The following PPTC7 variants were observed in gnomAD, a reference collection of about 807,000 sequenced individuals.
PPTC7 encodes protein phosphatase PTC7 homolog.
Under a neutral mutation model 30.8 loss-of-function variants are expected in PPTC7, and 6 were observed. That is an observed-to-expected ratio of 0.19 (90% CI 0.11 to 0.38). The LOEUF (loss-of-function observed/expected upper bound fraction) is 0.38. Among genes scored for constraint, PPTC7 ranks in the 10% least tolerant of loss-of-function variants. The pLI, the probability that PPTC7 is intolerant of heterozygous loss-of-function variation, is 1.00. For synonymous variants in PPTC7, 163 were observed against 168.1 expected (o/e 0.97, Z 0.23); for missense variants, 218 against 404.8 (o/e 0.54, Z 3.96).
At chr12:110,544,573 T>C (rs1593145665) in intron 3 of PPTC7, among the ~76,000 whole-genome samples, 1 of 152,176 alleles carries the variant, frequency 6.6e-6, no homozygotes, top group African/African-American at 2.4e-5. Flanking sequence ...CAGTGGCTCA[T>C]GCCTGTAATC....
intron 3 of PPTC7, among the ~76,000 whole-genome samples, chr12:110,540,549 GC>G: frequency 6.6e-6 from 1 of 151,864 alleles, no homozygotes; most frequent in Non-Finnish European, 1.5e-5. Flanking sequence ...ACAGGGTTTT[GC>G]CACGTTGGCC....
At chr12:110,555,167 GA>G (rs2135775956) in intron 1 of PPTC7, among the ~76,000 whole-genome samples, 1 of 152,260 alleles carries the variant, frequency 6.6e-6, no homozygotes, top group African/African-American at 2.4e-5. Flanking sequence ...TTAACAAAAA[GA>G]AAGGGAACAC....
At chr12:110,545,383 G>A (rs751272224) in intron 3 of PPTC7, among the ~76,000 whole-genome samples, 5 of 152,190 alleles carry the variant, frequency 3.3e-5, no homozygotes, top group Non-Finnish European at 7.3e-5. Flanking sequence ...GTGAGTCACC[G>A]TGCCCAGTCA....
chr12:110,576,011 C>T (rs2064586112), intron 1 of PPTC7, among the ~76,000 whole-genome samples: 1 of 152,142 alleles, frequency 6.6e-6, no homozygotes, highest in Non-Finnish European at 1.5e-5. Context: ...TCCATCAACC[C>T]TGTAATCTTA....
chr12:110,564,830 T>G (rs2064468390), intron 1 of PPTC7, among the ~76,000 whole-genome samples: 1 of 107,644 alleles, frequency 9.3e-6, no homozygotes. Context: ...TATATATACA[T>G]ACACGTTATA....
intron 1 of PPTC7, among the ~76,000 whole-genome samples, chr12:110,571,134 A>T (rs899705368): frequency 1.3e-5 from 2 of 152,174 alleles, no homozygotes; most frequent in Non-Finnish European, 2.9e-5. Context: ...CACTCGGAAG[A>T]AGCTAGGGTG....
intron 1 of PPTC7, among the ~76,000 whole-genome samples, chr12:110,581,174 C>T (rs1204462628): frequency 6.6e-6 from 1 of 152,068 alleles, no homozygotes; most frequent in African/African-American, 2.4e-5. Context: ...CTTGGGCGGC[C>T]GAGGCGAACA....
chr12:110,569,349 A>C (rs2064513836), intron 1 of PPTC7, among the ~76,000 whole-genome samples: 3 of 152,096 alleles, frequency 2.0e-5, no homozygotes, highest in African/African-American at 4.8e-5. Context: ...TAAAAAGTAA[A>C]AATAAATAAA....
chr12:110,540,324 T>C (rs2064249537), intron 3 of PPTC7, among the ~76,000 whole-genome samples: 5 of 139,038 alleles, frequency 3.6e-5, no homozygotes, highest in Admixed American at 7.1e-5. Flanking sequence ...CCCCCGCCTT[T>C]TTTTTTTTTT....
chr12:110,545,518 G>A (rs1414735295), intron 3 of PPTC7, among the ~76,000 whole-genome samples: 4 of 152,220 alleles, frequency 2.6e-5, no homozygotes, highest in Non-Finnish European at 2.9e-5. Flanking sequence ...CCCTAACAAT[G>A]TATGCAAAAT....
At chr12:110,540,310 T>TCCCCCC (rs1235977655) in intron 3 of PPTC7, among the ~76,000 whole-genome samples, 5 of 104,392 alleles carry the variant, frequency 4.8e-5, no homozygotes, top group African/African-American at 1.5e-4. Context: ...CCGAATTCCA[T>TCCCCCC]CCCCCCCCGC....
rs2064184603 is a variant in PPTC7, at chr12:110,533,412, T to C, written c.*3625A>G. On this transcript the variant is annotated 3_prime_UTR_variant, in exon 6 of 6. Transcript: ENST00000354300. ...ACAGAAAAAAAGCAGCTCATTAGTA[T>C]ACACACAGATTCTAATTTGCTTCAT... 6.6e-6 allele frequency: 1 copy of C among 152,212 alleles called. No individual in the cohort carries two copies. Among genetic ancestry groups the C allele is most frequent in the Non-Finnish European group, 1.5e-5 (1 of 68,036 alleles). The allele number at this position is 152,212 out of a possible 1,614,324, so 9.4% of individuals were successfully genotyped here.
chr12:110,535,998 T>C lies in PPTC7; in HGVS notation c.*1039A>G, dbSNP rs2064215775. 6.6e-6 allele frequency: 1 copy of C among 152,584 alleles called. No homozygotes were observed. The highest frequency in any genetic ancestry group is 1.5e-5 in the Non-Finnish European group (1 of 68,034). 9.5% of individuals were successfully genotyped at this position (152,584 alleles called of 1,614,324 possible). A position where few individuals can be genotyped will look rare whatever the true frequency, so the allele number is the denominator to read the frequency against. On this transcript the variant is annotated 3_prime_UTR_variant, in exon 6 of 6. Coordinates refer to ENST00000354300, the MANE Select transcript of PPTC7 (RefSeq NM_139283.2). ...GCTGCTGCCGCTGCGCACACAGTGC[T>C]CTCTCCACATGGACTCACTGGATTT... is the stretch of plus-strand genomic sequence containing the variant.
At chr12:110,561,612 C>T (rs1431704634) in intron 1 of PPTC7, among the ~76,000 whole-genome samples, 3 of 152,182 alleles carry the variant, frequency 2.0e-5, no homozygotes, top group South Asian at 2.1e-4. Context: ...GCATGAGCAA[C>T]CGCATCCAGC....
rs1292627768 is a variant in PPTC7 at position 110,562,258 on chromosome 12, G to A, written c.224-10290C>T. 2.7e-5 allele frequency among the ~76,000 whole-genome samples: 3 copies of A among 110,638 alleles called. No homozygotes were observed. In the East Asian group the frequency reaches 9.4e-4, roughly 34 times the overall value. 72.6% of individuals were successfully genotyped at this position (110,638 alleles called of 152,430 possible). A position where few individuals can be genotyped will look rare whatever the true frequency, so the allele number is the denominator to read the frequency against. On this transcript the variant is annotated intron_variant, in intron 1 of 5. Coordinates refer to ENST00000354300, the MANE Select transcript of PPTC7 (RefSeq NM_139283.2). The stretch of plus-strand genomic sequence containing the variant: ...GCTGAGATCGCACCACTGCACTCCA[G>A]CCTGGGCAACAGATTGAGACTCCAT...
intron 1 of PPTC7, among the ~76,000 whole-genome samples, chr12:110,572,397 C>T (rs1451979650): frequency 4.6e-5 from 7 of 152,104 alleles, no homozygotes; most frequent in South Asian, 2.1e-4. Context: ...GCCAAGACCA[C>T]GCCATTGCAC....
At chr12:110,576,351 T>A (rs138700997) in intron 1 of PPTC7, among the ~76,000 whole-genome samples, 1 of 152,204 alleles carries the variant, frequency 6.6e-6, no homozygotes, top group African/African-American at 2.4e-5. Flanking sequence ...AGGGTTACAA[T>A]ATGACCCAGC....
rs1396549738 is a variant in PPTC7 at position 110,551,879 on chromosome 12, C to T, written c.313G>A (p.Val105Ile). 2.5e-6 allele frequency: 4 copies of T among 1,614,162 alleles called. No individual in the cohort carries two copies. Among genetic ancestry groups the T allele is most frequent in the East Asian group, 2.2e-5 (1 of 44,890 alleles). ...GTLMRTCERLVKEGRFVPSNP... is the reference protein window; with the variant it reads ...GTLMRTCERLIKEGRFVPSNP... ...CTAGGTACGAACCGTCCTTCTTTTA[C>T]TAAACGTTCACACGTCCGCATTAAA... The change falls in exon 2 of 6, where the codon GTA becomes ATA. Residue 105 changes from valine (V) to isoleucine (I), a missense_variant. Coordinates refer to ENST00000354300, the MANE Select transcript of PPTC7 (RefSeq NM_139283.2).
At chr12:110,546,149 A>C (rs1023953961) in intron 2 of PPTC7, 71 bp from the exon 3 acceptor site, 4 of 1,245,312 alleles carry the variant, frequency 3.2e-6, no homozygotes, top group Admixed American at 3.9e-5. Flanking sequence ...TTAACACATG[A>C]CCCCACAGAG....
Sources: gnomAD v4.1 joint callset for allele counts (sites outside exome capture counted in the v4.1 genomes callset) on GRCh38, gnomAD v4.1.1 for gene constraint, MANE v1.5 for transcripts, NCBI Gene and HGNC (gene_info 2026-07-23, HGNC 2026-07-21) for gene names.